The following CCDC91 variants were observed in gnomAD, a reference collection of about 807,000 sequenced individuals.
CCDC91 encodes the protein coiled-coil domain-containing protein 91.
In CCDC91, 48 loss-of-function variants were observed where a neutral mutation model predicts 63.2. The observed-to-expected ratio is 0.76, with a 90% confidence interval of 0.60 to 0.97. The LOEUF (loss-of-function observed/expected upper bound fraction) is 0.97. Ranked by LOEUF, CCDC91 falls within the 50% of genes least tolerant of loss-of-function variation. CCDC91 has a pLI of 0.00. For synonymous variants in CCDC91, 167 were observed against 165.8 expected, an observed-to-expected ratio of 1.01 and a Z score of -0.06; for missense variants, 500 against 494.6, an observed-to-expected ratio of 1.01 and a Z score of -0.10.
intron 12 of CCDC91, among the ~76,000 whole-genome samples, chr12:28,535,397 C>G (rs921781952): frequency 2.0e-5 from 3 of 152,104 alleles, no homozygotes; most frequent in Non-Finnish European, 2.9e-5. Flanking sequence ...CCTTCCATTC[C>G]CTTGCACAAC....
chr12:28,233,292 A>G (rs1944725756), intron 1 of CCDC91, among the ~76,000 whole-genome samples: 1 of 152,070 alleles, frequency 6.6e-6, no homozygotes, highest in Non-Finnish European at 1.5e-5. Context: ...GATTTCTGTT[A>G]CATATATTAG....
chr12:28,538,188 G>A (rs1271743670), intron 12 of CCDC91, among the ~76,000 whole-genome samples: 1 of 150,266 alleles, frequency 6.7e-6, no homozygotes, highest in East Asian at 2.0e-4. Flanking sequence ...CATGTGCCAT[G>A]TTGGTGTGCT....
chr12:28,494,954 G>T (rs1197564109), intron 12 of CCDC91, among the ~76,000 whole-genome samples: 1 of 151,760 alleles, frequency 6.6e-6, no homozygotes, highest in African/African-American at 2.4e-5. Context: ...TTAAGGCCCA[G>T]TTGGGCTGGA....
At chr12:28,208,355 A>G (rs1942995775) in intron 1 of CCDC91, among the ~76,000 whole-genome samples, 1 of 152,238 alleles carries the variant, frequency 6.6e-6, no homozygotes, top group South Asian at 2.1e-4. Context: ...ACTCAGACAT[A>G]ATAGAATTTT....
intron 12 of CCDC91, among the ~76,000 whole-genome samples, chr12:28,526,021 T>G (rs1941226567): frequency 6.6e-6 from 1 of 152,150 alleles, no homozygotes; most frequent in Non-Finnish European, 1.5e-5. Context: ...CAGCAGATAT[T>G]TAGTTGATGA....
intron 1 of CCDC91, among the ~76,000 whole-genome samples, chr12:28,247,328 A>C (rs1945809146): frequency 6.6e-6 from 1 of 151,964 alleles, no homozygotes; most frequent in Non-Finnish European, 1.5e-5. Flanking sequence ...AAAATACAAA[A>C]AATTAGCTGG....
intron 8 of CCDC91, among the ~76,000 whole-genome samples, chr12:28,420,034 G>A (rs1260010661): frequency 6.6e-6 from 1 of 152,046 alleles, no homozygotes; most frequent in Non-Finnish European, 1.5e-5. Context: ...TGGGATTAAA[G>A]GTGTGAGTCA....
intron 11 of CCDC91, among the ~76,000 whole-genome samples, chr12:28,463,343 G>A (rs192528569): frequency 3.9e-5 from 6 of 152,146 alleles, no homozygotes; most frequent in Admixed American, 1.3e-4. Context: ...GAACATTGAA[G>A]TCAAAGAGAC....
chr12:28,268,607 G>A (rs1008777002), intron 3 of CCDC91: 17 of 970,684 alleles, frequency 1.8e-5, no homozygotes, highest in African/African-American at 5.3e-5. Context: ...CTTCTTGTTC[G>A]TTAGAATGAG....
At chr12:28,522,074 A>T (rs1053188888) in intron 12 of CCDC91, among the ~76,000 whole-genome samples, 20 of 152,176 alleles carry the variant, frequency 1.3e-4, no homozygotes, top group African/African-American at 4.8e-4. Flanking sequence ...TATCAGGATG[A>T]TGCTGGCCTC....
chr12:28,328,660 A>G (rs1282206867), intron 6 of CCDC91, among the ~76,000 whole-genome samples: 3 of 152,202 alleles, frequency 2.0e-5, no homozygotes, highest in Non-Finnish European at 4.4e-5. Context: ...GTGAGAGAAT[A>G]TAAAACTTTC....
intron 6 of CCDC91, among the ~76,000 whole-genome samples, chr12:28,317,534 T>C (rs1408019814): frequency 6.6e-6 from 1 of 152,018 alleles, no homozygotes; most frequent in Non-Finnish European, 1.5e-5. Flanking sequence ...TCTCTAAGAA[T>C]TGTTGAAATG....
Position 28,450,141 on chromosome 12 carries a change from T to G in CCDC91, c.763-20T>G. On this transcript the variant is annotated intron_variant, in intron 8 of 12. Transcript: ENST00000536442. ...ACCTGTCTCAGAGCCATAATATAAT[T>G]TGCTTATCATTCCTTGTAGCATCAG... 7.0e-7 allele frequency: 1 copy of G among 1,419,910 alleles called. No individual in the cohort carries two copies. The highest frequency in any genetic ancestry group is 1.2e-5 in the South Asian group (1 of 81,474). The allele number at this position is 1,419,910 out of a possible 1,614,324, so 88.0% of individuals were successfully genotyped here.
chr12:28,221,986 G>C (rs1943982604), intron 1 of CCDC91, among the ~76,000 whole-genome samples: 1 of 152,162 alleles, frequency 6.6e-6, no homozygotes, highest in South Asian at 2.1e-4. Flanking sequence ...CCTGGAAACT[G>C]ACTCCAGTTT....
At chr12:28,234,398 A>AT (rs1243637848) in intron 1 of CCDC91, among the ~76,000 whole-genome samples, 1 of 152,120 alleles carries the variant, frequency 6.6e-6, no homozygotes, top group Non-Finnish European at 1.5e-5. Flanking sequence ...ACTTGACAGA[A>AT]TTTTTTTAAA....
intron 3 of CCDC91, among the ~76,000 whole-genome samples, chr12:28,287,841 A>G (rs1381725973): frequency 6.6e-6 from 1 of 152,174 alleles, no homozygotes; most frequent in Admixed American, 6.5e-5. Context: ...TGAGTGTGGA[A>G]TGCTTTTGCA....
chr12:28,305,578 C>G (rs1333692575), intron 3 of CCDC91, 71 bp from the exon 4 acceptor site: 1 of 1,323,736 alleles, frequency 7.6e-7, no homozygotes, highest in African/African-American at 1.5e-5. Flanking sequence ...CTCTTTCTTC[C>G]TTTCAACCTG....
At chr12:28,237,104 CATATT>C (rs916152172) in intron 1 of CCDC91, among the ~76,000 whole-genome samples, 4 of 152,078 alleles carry the variant, frequency 2.6e-5, no homozygotes, top group African/African-American at 9.6e-5. Context: ...TTGTGTATCT[CATATT>C]ATATTGTAAG....
chr12:28,451,370 A>T (rs1949795382), intron 10 of CCDC91, among the ~76,000 whole-genome samples: 1 of 151,686 alleles, frequency 6.6e-6, no homozygotes, highest in Admixed American at 6.6e-5. Flanking sequence ...GATGGAGTCA[A>T]CATATATGTT....
Sources: allele counts gnomAD v4.1 joint callset (sites outside exome capture counted in the v4.1 genomes callset), GRCh38; gene constraint gnomAD v4.1.1; transcripts MANE v1.5; gene names NCBI Gene and HGNC (gene_info 2026-07-23, HGNC 2026-07-21).